NAALADL1: variants seen among roughly 807,000 people sequenced by gnomAD.
NAALADL1 encodes the protein N-acetylated alpha-linked acidic dipeptidase like 1, also known as aminopeptidase NAALADL1.
A neutral mutation model predicts 82.8 loss-of-function variants in NAALADL1; 77 were observed. That is an observed-to-expected ratio of 0.93 (90% CI 0.77 to 1.12). The LOEUF (loss-of-function observed/expected upper bound fraction) is 1.12. Among genes scored for constraint, NAALADL1 ranks in the 50% most tolerant of loss-of-function variants. NAALADL1 has a pLI of 0.00. For missense variants in NAALADL1, 956 were observed against 964.0 expected, an observed-to-expected ratio of 0.99 and a Z score of 0.11; for synonymous variants, 358 against 399.2, an observed-to-expected ratio of 0.90 and a Z score of 1.23.
intron 8 of NAALADL1, among the ~76,000 whole-genome samples, chr11:65,052,194 C>T (rs528055313): frequency 1.7e-3 from 266 of 152,172 alleles, no homozygotes; most frequent in African/African-American, 6.0e-3. Context: ...CCAGCAGACC[C>T]GGGCCCAGCA....
Position 65,054,690 on chromosome 11 carries a change from C to T in NAALADL1, c.652G>A (p.Asp218Asn). 3.7e-6 allele frequency: 6 copies of T among 1,614,092 alleles called. No homozygotes were observed. Among genetic ancestry groups the T allele is most frequent in the African/African-American group, 1.3e-5 (1 of 75,044 alleles). The change falls in exon 5 of 18, where the codon GAC becomes AAC. Residue 218 changes from aspartate (D) to asparagine (N), a missense_variant. By Grantham distance (23) the Asp-to-Asn change is conservative. Transcript: ENST00000358658. The surrounding 1 kb of genome is among the most constrained non-coding windows in gnomAD (Gnocchi z 4.3). Reference protein sequence around the residue: ...HGVAGVLVYTDPADINDGLSS... With the variant: ...HGVAGVLVYTNPADINDGLSS... ...AGCCCATCGTTGATGTCGGCAGGGTCTGTGTACACCAGCACCCCAGCTACC... is the reference window on the plus strand; with the variant it reads ...AGCCCATCGTTGATGTCGGCAGGGTTTGTGTACACCAGCACCCCAGCTACC...
At chr11:65,060,230 C>T (rs924260270), upstream of NAALADL1, among the ~76,000 whole-genome samples, 3 of 152,022 alleles carry the variant, frequency 2.0e-5, no homozygotes, top group Admixed American at 1.3e-4. Context: ...TTTGCTGGCA[C>T]CACCATCTCT....
Position 65,053,265 on chromosome 11 carries a change from G to A in NAALADL1, c.1151C>T (p.Ala384Val). The change falls in exon 8 of 18, where the codon GCC (alanine) becomes GTC (valine). Residue 384 changes from alanine (A) to valine (V), a missense_variant. Coordinates refer to ENST00000358658, the MANE Select transcript of NAALADL1 (RefSeq NM_005468.3). The surrounding 1 kb of genome is among the most constrained non-coding windows in gnomAD (Gnocchi z 4.3). ...HGAVDPSSGT[A>V]VLLELSRVLG... The stretch of plus-strand genomic sequence containing the variant: ...GACACGGGAGAGCTCCAGGAGGACG[G>A]CGGTGCCACTGCTGGGGTCCACAGC... The A allele has an allele frequency of 2.6e-6, 4 of 1,554,898 alleles. No homozygotes were observed. The highest frequency in any genetic ancestry group is 3.5e-6 in the Non-Finnish European group (4 of 1,149,386).
chr11:65,060,678 A>G (rs1297484566), upstream of NAALADL1, among the ~76,000 whole-genome samples: 1 of 152,110 alleles, frequency 6.6e-6, no homozygotes, highest in Non-Finnish European at 1.5e-5. Context: ...CAAGAGATCC[A>G]CTCAGGCTGT....
At chr11:65,058,604 A>G (rs1947116457), upstream of NAALADL1, 1 of 1,321,312 alleles carries the variant, frequency 7.6e-7, no homozygotes, top group African/African-American at 1.5e-5. Context: ...GTTAAACATT[A>G]CCCCATGGGT....
rs560497784 is a variant in NAALADL1, at chr11:65,057,974, G to A, written c.381C>T (p.Ile127=). 6.2e-7 allele frequency: 1 copy of A among 1,614,146 alleles called. No homozygotes were observed. Among genetic ancestry groups the A allele is most frequent in the Admixed American group, 1.7e-5 (1 of 60,014 alleles). ...TCTCCTCAGTCCGGTGGCAGGAGTG[G>A]ATGATGCCCCCAGTGGGGCCCACTG... ...VDIVGPTGGI[I]HSCHRTEENV... The change falls in exon 3 of 18, where the codon ATC becomes ATT. Residue 127 remains isoleucine (I), a synonymous_variant. Transcript: ENST00000358658.
Position 65,047,652 on chromosome 11 carries a change from G to T in NAALADL1, c.1503C>A (p.Val501=). 1 of 1,604,060 alleles carries T rather than the reference G, an allele frequency of 6.2e-7. No individual in the cohort carries two copies. Among genetic ancestry groups the T allele is most frequent in the Non-Finnish European group, 8.5e-7 (1 of 1,176,414 alleles). Residue 501 remains valine (V), a synonymous_variant, in exon 12 of 18, where the codon GTC becomes GTA. Transcript: ENST00000358658. ...FNRSSPVYGL[V]PSLGSLGAGS... ...CCTTCTGTCCCTGGGCTTACCTGGG[G>T]ACCAGGCCGTACACCGGGCTGCTGC...
intron 4 of NAALADL1, among the ~76,000 whole-genome samples, chr11:65,057,040 A>G (rs1947058654): frequency 6.6e-6 from 1 of 152,242 alleles, no homozygotes; most frequent in African/African-American, 2.4e-5. Context: ...TTTGATGGAA[A>G]AGAAATGGCA....
intron 4 of NAALADL1, 45 bp downstream of exon 4, chr11:65,057,325 GC>G (rs772867287): frequency 6.4e-7 from 1 of 1,565,748 alleles, no homozygotes; most frequent in Admixed American, 1.9e-5. Context: ...CCACTGCCCA[GC>G]CCCTTCCTCA....
At position 65,047,551 on chromosome 11, in the gene NAALADL1, C is replaced by G. The variant is rs1306062580; in HGVS notation, c.1523G>C (p.Gly508Ala). Residue 508 changes from glycine to alanine, a missense_variant, in exon 13 of 18, where the codon GGT (glycine) becomes GCT (alanine). Physicochemically the swap from Gly to Ala is moderately conservative, Grantham distance 60 (BLOSUM62 0). Transcript: ENST00000358658. ...YGLVPSLGSL[G>A]AGSDYAPFVH... is the part of the protein sequence containing the mutation. ...GAAGGGTGCATAGTCGCTGCCAGCA[C>G]CCAGAGAACCCAAGCTGCGGGAAGG... is the stretch of plus-strand genomic sequence containing the variant. 6.4e-7 allele frequency: 1 copy of G among 1,571,712 alleles called. No homozygotes were observed. Among genetic ancestry groups the G allele is most frequent in the East Asian group, 2.3e-5 (1 of 42,564 alleles).
intron 8 of NAALADL1, 56 bp from the exon 9 acceptor site, chr11:65,048,441 T>C: frequency 6.3e-7 from 1 of 1,591,758 alleles, no homozygotes; most frequent in Non-Finnish European, 8.6e-7. Flanking sequence ...CTAGGGTGCC[T>C]TAGGAGAAAG....
At position 65,044,865 on chromosome 11, in the gene NAALADL1, T is replaced by A; in HGVS notation, c.*406A>T. 1 of 962,674 alleles carries A rather than the reference T, an allele frequency of 1.0e-6. No individual in the cohort carries two copies. The highest frequency in any genetic ancestry group is 1.5e-6 in the Non-Finnish European group (1 of 666,388). The allele number at this position is 962,674 out of a possible 1,614,324, so 59.6% of individuals were successfully genotyped here. On this transcript the variant is annotated 3_prime_UTR_variant, in exon 18 of 18. Transcript: ENST00000358658. The surrounding 1 kb of genome is among the most constrained non-coding windows in gnomAD (Gnocchi z 4.0). ...ATGTGATTTATTTGAGGGGCTGTTG[T>A]AGGGAGTTAGGATACACAGCATGCA... is the stretch of plus-strand genomic sequence containing the variant.
In NAALADL1 at chr11:65,054,716, CCGTGCTTGGCAG is replaced by C; in HGVS notation, c.614_625del (p.Ala205_His208del). ...TGTGTACACCAGCACCCCAGCTACC[CCGTGCTTGGCAG>C]CGTTCACAGCCTGCAGTGGGCAGAG... On this transcript the variant is annotated inframe_deletion, in exon 5 of 18. Coordinates refer to ENST00000358658, the MANE Select transcript of NAALADL1 (RefSeq NM_005468.3). This position sits in a 1 kb window ranked among gnomAD's most constrained non-coding sequence, Gnocchi z 4.3. The C allele has an allele frequency of 6.2e-7, 1 of 1,613,772 alleles. No homozygotes were observed. The highest frequency in any genetic ancestry group is 8.5e-7 in the Non-Finnish European group (1 of 1,179,860).
At chr11:65,058,555 G>T, upstream of NAALADL1, 2 of 1,528,676 alleles carry the variant, frequency 1.3e-6, no homozygotes, top group Non-Finnish European at 1.8e-6. Flanking sequence ...GGTAGGACTG[G>T]TCTATAGGTT....
At chr11:65,047,765 G>C (rs774561439) in intron 11 of NAALADL1, 27 bp from the exon 12 acceptor site, 2 of 1,571,128 alleles carry the variant, frequency 1.3e-6, no homozygotes, top group Non-Finnish European at 8.6e-7. Flanking sequence ...TTTAGTCTCG[G>C]TGCGCGGCCC....
upstream of NAALADL1, among the ~76,000 whole-genome samples, chr11:65,059,964 A>AC (rs1458289202): frequency 6.6e-6 from 1 of 152,218 alleles, no homozygotes; most frequent in Non-Finnish European, 1.5e-5. Flanking sequence ...TCCAGACCTC[A>AC]CGGAGAGCCA....
At chr11:65,049,490 T>A (rs1946829078) in intron 8 of NAALADL1, among the ~76,000 whole-genome samples, 1 of 152,204 alleles carries the variant, frequency 6.6e-6, no homozygotes. Context: ...AAAGAACAGC[T>A]AAACAATTAT....
At chr11:65,060,031 G>T (rs1947153380), upstream of NAALADL1, among the ~76,000 whole-genome samples, 1 of 152,196 alleles carries the variant, frequency 6.6e-6, no homozygotes, top group Non-Finnish European at 1.5e-5. Context: ...ACCCTCCCAT[G>T]GCCTATCCTG....
chr11:65,045,131 G>T lies in NAALADL1; in HGVS notation c.*140C>A. On this transcript the variant is annotated 3_prime_UTR_variant, in exon 18 of 18. Transcript: ENST00000358658. ...ATTAGGGCTTGCCACTCCCCTCAGG[G>T]ACCTCAAGCTGTTGCCTGAGAAGCT... 1 of 933,392 alleles carries T rather than the reference G, an allele frequency of 1.1e-6. No homozygotes were observed. Among genetic ancestry groups the T allele is most frequent in the Admixed American group, 2.9e-5 (1 of 34,722 alleles). The allele number at this position is 933,392 out of a possible 1,614,324, so 57.8% of individuals were successfully genotyped here.
Sources: gnomAD v4.1 joint callset for allele counts (sites outside exome capture counted in the v4.1 genomes callset) on GRCh38, gnomAD v4.1.1 for gene constraint, Gnocchi (gnomAD v3.1) non-coding constraint, MANE v1.5 for transcripts, NCBI Gene and HGNC (gene_info 2026-07-23, HGNC 2026-07-21) for gene names.